The following ASCC1 variants were observed in gnomAD, a reference collection of about 807,000 sequenced individuals.
ASCC1 encodes activating signal cointegrator 1 complex subunit 1, also known as ASC-1 complex subunit P50.
ASCC1 carries 35 observed loss-of-function variants against 46.6 expected under a neutral mutation model. The observed-to-expected ratio is 0.75, with a 90% CI of 0.57 to 0.99. The LOEUF is 0.99. Among genes scored for constraint, ASCC1 ranks in the 50% least tolerant of loss-of-function variants. ASCC1 has a pLI of 0.00. For synonymous variants in ASCC1, 143 were observed against 146.6 expected (o/e 0.98, Z 0.18); for missense variants, 376 against 428.7 (o/e 0.88, Z 1.09).
chr10:72,118,363 T>A (rs1238019369), intron 9 of ASCC1, among the ~76,000 whole-genome samples: 2 of 141,162 alleles, frequency 1.4e-5, no homozygotes, highest in Admixed American at 7.1e-5. Flanking sequence ...CGAGACTCCA[T>A]CTCAAAAAAA....
At chr10:72,187,719 CAAAAA>C (rs761851091) in intron 5 of ASCC1, among the ~76,000 whole-genome samples, 6 of 35,218 alleles carry the variant, frequency 1.7e-4, no homozygotes, top group East Asian at 8.1e-4. Context: ...GAATCCGTCT[CAAAAA>C]AAAAAAAAAA....
chr10:72,175,500 T>C (rs1851752693), intron 5 of ASCC1, among the ~76,000 whole-genome samples: 2 of 152,254 alleles, frequency 1.3e-5, no homozygotes, highest in African/African-American at 2.4e-5. Flanking sequence ...AACGAAATAC[T>C]GTGTTAAGCT....
At chr10:72,108,207 G>C (rs548091146) in intron 9 of ASCC1, among the ~76,000 whole-genome samples, 1 of 151,698 alleles carries the variant, frequency 6.6e-6, no homozygotes, top group South Asian at 2.1e-4. Flanking sequence ...CTCCTGAGTA[G>C]CTGAGACTAC....
intron 5 of ASCC1, among the ~76,000 whole-genome samples, chr10:72,195,148 T>TG (rs1185910104): frequency 1.5e-5 from 2 of 134,896 alleles, no homozygotes; most frequent in Non-Finnish European, 3.2e-5. Context: ...TGTTTTTTTT[T>TG]TTTTTTTTTT....
At chr10:72,107,498 G>A (rs1228853722) in intron 9 of ASCC1, among the ~76,000 whole-genome samples, 1 of 151,894 alleles carries the variant, frequency 6.6e-6, no homozygotes, top group Admixed American at 6.6e-5. Flanking sequence ...CCACATCCGG[G>A]GTCAAAAAAA....
rs538008702 is a variant in ASCC1 at position 72,133,537 on chromosome 10, A to G, written c.747-356T>C. The G allele has an allele frequency of 1.6e-5, 5 of 311,182 alleles. No individual in the cohort carries two copies. The East Asian group carries it at 4.1e-4, about 25-fold the overall frequency. 19.3% of individuals were successfully genotyped at this position (311,182 alleles called of 1,614,324 possible). ...AGGGAAGGAGGGGCACTTCAAGTAG[A>G]AGAAGAAACAGCAAGTGCAAAGATG... On this transcript the variant is annotated intron_variant, in intron 7 of 9. Transcript: ENST00000672957.
intron 5 of ASCC1, among the ~76,000 whole-genome samples, chr10:72,178,485 A>G (rs529697318): frequency 1.3e-5 from 2 of 152,324 alleles, no homozygotes; most frequent in Middle Eastern, 3.4e-3. Context: ...GTGAAGCCAG[A>G]GCAGTCACGT....
At chr10:72,142,449 C>T (rs1170263074) in intron 7 of ASCC1, among the ~76,000 whole-genome samples, 1 of 151,878 alleles carries the variant, frequency 6.6e-6, no homozygotes, top group African/African-American at 2.4e-5. Flanking sequence ...TCACTGCAAC[C>T]TCCACCTCCC....
At chr10:72,200,562 C>A (rs928796845) in intron 4 of ASCC1, among the ~76,000 whole-genome samples, 1 of 151,544 alleles carries the variant, frequency 6.6e-6, no homozygotes, top group Admixed American at 6.6e-5. Flanking sequence ...GCAGGAGAAT[C>A]ACTTGAAACC....
chr10:72,147,066 A>G (rs1406916746), intron 7 of ASCC1, among the ~76,000 whole-genome samples: 8 of 150,298 alleles, frequency 5.3e-5, no homozygotes, highest in Non-Finnish European at 8.9e-5. Flanking sequence ...AAATAAGTGA[A>G]TAAGTCCCTT....
At chr10:72,125,010 G>A (rs771978828) in intron 9 of ASCC1, among the ~76,000 whole-genome samples, 3 of 152,112 alleles carry the variant, frequency 2.0e-5, no homozygotes, top group Non-Finnish European at 4.4e-5. Flanking sequence ...GTATATTACA[G>A]CTGCAACAAC....
At position 72,180,081 on chromosome 10, in the gene ASCC1, A is replaced by G. The variant is rs78380097; in HGVS notation, c.489+16730T>C. Among the ~76,000 whole-genome samples, 14 of 152,306 alleles carry G rather than the reference A, an allele frequency of 9.2e-5. No homozygotes were observed. In the East Asian group the frequency reaches 2.7e-3, roughly 29 times the overall value. ...CACTTGAGGTCAGGAGTTTGAAACC[A>G]GCCTGGCCAACATGGTGAAACCCCA... is the stretch of plus-strand genomic sequence containing the variant. On this transcript the variant is annotated intron_variant, in intron 5 of 9. Transcript: ENST00000672957.
chr10:72,209,057 TG>T (rs1399035968), intron 3 of ASCC1, among the ~76,000 whole-genome samples: 1 of 150,762 alleles, frequency 6.6e-6, no homozygotes, highest in Non-Finnish European at 1.5e-5. Context: ...CCCAGCTATT[TG>T]GGGGGTTTAA....
At chr10:72,124,531 T>C (rs969732462) in intron 9 of ASCC1, among the ~76,000 whole-genome samples, 5 of 152,144 alleles carry the variant, frequency 3.3e-5, no homozygotes, top group African/African-American at 1.2e-4. Flanking sequence ...GAGAGCACAA[T>C]CTTGGAATAC....
chr10:72,178,298 G>C (rs1336521287), intron 5 of ASCC1, among the ~76,000 whole-genome samples: 1 of 152,160 alleles, frequency 6.6e-6, no homozygotes, highest in African/African-American at 2.4e-5. Context: ...CCAGGTTGTA[G>C]GTGGACCCTG....
chr10:72,182,723 T>A (rs1852804241), intron 5 of ASCC1, among the ~76,000 whole-genome samples: 1 of 151,482 alleles, frequency 6.6e-6, no homozygotes, highest in Non-Finnish European at 1.5e-5. Context: ...CATCTATAAT[T>A]CCAACATTTT....
chr10:72,143,488 C>A (rs1360080585), intron 7 of ASCC1, among the ~76,000 whole-genome samples: 1 of 151,498 alleles, frequency 6.6e-6, no homozygotes, highest in Non-Finnish European at 1.5e-5. Context: ...CAGATGCATA[C>A]CACCACGCCT....
intron 8 of ASCC1, among the ~76,000 whole-genome samples, chr10:72,131,873 A>ATTT (rs914278355): frequency 2.3e-4 from 27 of 114,942 alleles, no homozygotes; most frequent in African/African-American, 6.8e-4. Flanking sequence ...CTCTAGATAG[A>ATTT]TTTTTTTTTT....
chr10:72,172,750 T>C (rs1349359704), intron 5 of ASCC1, among the ~76,000 whole-genome samples: 2 of 119,156 alleles, frequency 1.7e-5, no homozygotes, highest in African/African-American at 2.8e-5. Context: ...ACATATATTA[T>C]ATATTTTTAT....
Sources: gnomAD v4.1 joint callset for allele counts (sites outside exome capture counted in the v4.1 genomes callset) on GRCh38, gnomAD v4.1.1 for gene constraint, MANE v1.5 for transcripts, NCBI Gene and HGNC (gene_info 2026-07-23, HGNC 2026-07-21) for gene names.